Variants in MAD1L1 observed in about 807,000 individuals in gnomAD.
MAD1L1 encodes mitotic arrest deficient 1 like 1, also known as mitotic spindle assembly checkpoint protein MAD1.
In MAD1L1, 95 loss-of-function variants were observed where a neutral mutation model predicts 96.9. The ratio of observed to expected loss-of-function variants is 0.98; its 90% confidence interval spans 0.83 to 1.16. MAD1L1 has a LOEUF of 1.16. MAD1L1 is among the 50% of genes most tolerant of loss of function. The pLI, the probability that MAD1L1 is intolerant of heterozygous loss-of-function variation, is 0.00. For synonymous variants in MAD1L1, 473 were observed against 396.6 expected (o/e 1.19, Z -2.29); for missense variants, 1,007 against 954.4 (o/e 1.06, Z -0.73).
rs567771314 is a variant in MAD1L1 at position 2,221,900 on chromosome 7, C to G, written c.471+675G>C. Among the ~76,000 whole-genome samples the G allele has an allele frequency of 4.6e-5, 7 of 152,250 alleles. No homozygotes were observed. The East Asian group carries it at 7.7e-4, about 17-fold the overall frequency. On this transcript the variant is annotated intron_variant, in intron 5 of 18. Coordinates refer to ENST00000265854, the MANE Select transcript of MAD1L1 (RefSeq NM_001013836.2). ...TGCAGAGACCGCCATCGCTAGGGAC[C>G]TTATAACCCAGTCCTAGGGGTCTGT... is the stretch of plus-strand genomic sequence containing the variant.
At chr7:1,943,338 G>C (rs936709631) in intron 16 of MAD1L1, among the ~76,000 whole-genome samples, 1 of 152,230 alleles carries the variant, frequency 6.6e-6, no homozygotes, top group African/African-American at 2.4e-5. Flanking sequence ...CAGAATGGGA[G>C]AAAATGTCTG....
chr7:2,185,890 T>C (rs1218133674), intron 10 of MAD1L1, among the ~76,000 whole-genome samples: 3 of 152,216 alleles, frequency 2.0e-5, no homozygotes, highest in African/African-American at 7.2e-5. Context: ...GTGGGCAGCA[T>C]TTTCAGAGCC....
chr7:2,175,980 C>A (rs907868939), intron 10 of MAD1L1, among the ~76,000 whole-genome samples: 4 of 152,142 alleles, frequency 2.6e-5, no homozygotes, highest in African/African-American at 4.8e-5. Context: ...CACAAATAAC[C>A]AAAATCAGGC....
chr7:1,939,046 GCACACA>G (rs34624169), intron 16 of MAD1L1, among the ~76,000 whole-genome samples: 65 of 107,218 alleles, frequency 6.1e-4, no homozygotes, highest in Non-Finnish European at 9.5e-4. Context: ...GGGGCCAGAG[GCACACA>G]CACACACACA....
chr7:2,222,205 C>T (rs1389104860), intron 5 of MAD1L1, among the ~76,000 whole-genome samples: 1 of 151,888 alleles, frequency 6.6e-6, no homozygotes. Context: ...TCCCGAGTCC[C>T]ACAGGCTGGG....
chr7:2,154,333 G>C (rs748446207), intron 10 of MAD1L1, among the ~76,000 whole-genome samples: 4 of 152,208 alleles, frequency 2.6e-5, no homozygotes, highest in African/African-American at 7.2e-5. Flanking sequence ...GGATTGAAAG[G>C]TCTGGGTGAG....
At chr7:2,045,664 C>T (rs932272549) in intron 12 of MAD1L1, among the ~76,000 whole-genome samples, 2 of 151,126 alleles carry the variant, frequency 1.3e-5, no homozygotes, top group Admixed American at 6.6e-5. Context: ...AAGCGACAGT[C>T]GCTTAGTGGG....
At chr7:2,215,837 G>T in intron 9 of MAD1L1, 48 bp downstream of exon 9, 1 of 1,549,078 alleles carries the variant, frequency 6.5e-7, no homozygotes, top group Non-Finnish European at 8.9e-7. Flanking sequence ...GCTCCTCCAG[G>T]CAGGGCAGAG....
At chr7:2,136,494 T>A (rs1788758564) in intron 11 of MAD1L1, among the ~76,000 whole-genome samples, 1 of 152,184 alleles carries the variant, frequency 6.6e-6, no homozygotes, top group Admixed American at 6.5e-5. Flanking sequence ...TTACCCAAGT[T>A]TCCTAACAGG....
At chr7:1,828,350 C>A (rs547042294) in intron 18 of MAD1L1, among the ~76,000 whole-genome samples, 1 of 152,062 alleles carries the variant, frequency 6.6e-6, no homozygotes, top group African/African-American at 2.4e-5. Flanking sequence ...GGAGCTGGAG[C>A]CAGGGCGCCG....
intron 16 of MAD1L1, among the ~76,000 whole-genome samples, chr7:1,937,201 T>C (rs1423679537): frequency 6.6e-6 from 1 of 152,162 alleles, no homozygotes; most frequent in Non-Finnish European, 1.5e-5. Context: ...AGTGCGGTGC[T>C]TCCCAGAATT....
intron 13 of MAD1L1, among the ~76,000 whole-genome samples, chr7:2,007,420 G>A (rs569903473): frequency 1.3e-5 from 2 of 152,348 alleles, no homozygotes; most frequent in African/African-American, 4.8e-5. Context: ...GGTGGCTCAC[G>A]CCTGGAATCC....
At chr7:2,067,064 C>T (rs1784907485) in intron 12 of MAD1L1, among the ~76,000 whole-genome samples, 3 of 152,320 alleles carry the variant, frequency 2.0e-5, no homozygotes, top group South Asian at 4.1e-4. Context: ...CCCGCCTGGC[C>T]GGTGTGGGCC....
intron 11 of MAD1L1, among the ~76,000 whole-genome samples, chr7:2,085,802 CAT>C (rs1785888806): frequency 6.6e-6 from 1 of 152,166 alleles, no homozygotes; most frequent in Non-Finnish European, 1.5e-5. Context: ...TTCGTGCAAA[CAT>C]GTTATCAATT....
At position 2,218,638 on chromosome 7, in the gene MAD1L1, C is replaced by T. The variant is rs371012461; in HGVS notation, c.597-595G>A. On this transcript the variant is annotated intron_variant, in intron 6 of 18. Coordinates refer to ENST00000265854, the MANE Select transcript of MAD1L1 (RefSeq NM_001013836.2). ...CAACCTAGCCCTCAGCAGGGTACGGCGGCTCAGCCTGGGATCCCAGCACTC... is the reference window on the plus strand; with the variant it reads ...CAACCTAGCCCTCAGCAGGGTACGGTGGCTCAGCCTGGGATCCCAGCACTC... Among the ~76,000 whole-genome samples, 6 of 152,288 alleles carry T rather than the reference C, an allele frequency of 3.9e-5. No individual in the cohort carries two copies. The East Asian group carries it at 7.7e-4, about 20-fold the overall frequency.
chr7:2,083,476 C>A (rs1004288844), intron 11 of MAD1L1, among the ~76,000 whole-genome samples: 3 of 152,208 alleles, frequency 2.0e-5, no homozygotes, highest in Admixed American at 6.5e-5. Context: ...AGAGGAGGTG[C>A]GGGGTGAGTG....
intron 10 of MAD1L1, among the ~76,000 whole-genome samples, chr7:2,156,763 G>A (rs1002504204): frequency 2.0e-5 from 3 of 150,342 alleles, no homozygotes; most frequent in Non-Finnish European, 4.4e-5. Flanking sequence ...GGAGGTTACA[G>A]TGAGCTGAGA....
chr7:2,120,139 A>AC (rs1787903027), intron 11 of MAD1L1, among the ~76,000 whole-genome samples: 2 of 151,628 alleles, frequency 1.3e-5, no homozygotes, highest in Non-Finnish European at 2.9e-5. Flanking sequence ...TGGTAAGGCC[A>AC]CCTCCCCCTC....
At chr7:2,070,777 G>A (rs546117467) in intron 11 of MAD1L1, among the ~76,000 whole-genome samples, 2 of 152,372 alleles carry the variant, frequency 1.3e-5, no homozygotes, top group African/African-American at 4.8e-5. Context: ...GAGGCTGCTT[G>A]GAAACAGGAA....
Sources: gnomAD v4.1 joint callset for allele counts (sites outside exome capture counted in the v4.1 genomes callset) on GRCh38, gnomAD v4.1.1 for gene constraint, MANE v1.5 for transcripts, NCBI Gene and HGNC (gene_info 2026-07-23, HGNC 2026-07-21) for gene names.